Variants in UBR1 observed in about 807,000 individuals in gnomAD.
UBR1 encodes the protein E3 ubiquitin-protein ligase UBR1.
A neutral mutation model predicts 242.1 loss-of-function variants in UBR1; 102 were observed. The observed-to-expected ratio is 0.42, with a 90% CI of 0.36 to 0.50. UBR1 has a LOEUF of 0.50. UBR1 is among the 20% of genes least tolerant of loss of function. The probability of loss-of-function intolerance (pLI) is 0.01; values close to 1 mark genes in which losing one functional copy is unlikely to be tolerated. For synonymous variants in UBR1, 675 were observed against 684.8 expected (o/e 0.99, Z 0.22); for missense variants, 1,772 against 2,101.8 (o/e 0.84, Z 3.07).
Position 42,998,219 on chromosome 15 carries a change from TC to T in UBR1, c.3705del (p.Trp1235Ter). 6.2e-7 allele frequency: 1 copy of T among 1,614,036 alleles called. No homozygotes were observed. The highest frequency in any genetic ancestry group is 8.5e-7 in the Non-Finnish European group (1 of 1,179,996). ...ALAQLLTLAR[W>X]IQTVLARISG... ...GATATTCTGGCCAGAACAGTCTGTATCCACCGTGCCAGGGTCAAAAGTTGAG... is the reference window on the plus strand; with the variant it reads ...GATATTCTGGCCAGAACAGTCTGTATCACCGTGCCAGGGTCAAAAGTTGAG... On this transcript the variant is annotated frameshift_variant, in exon 33 of 47. Transcript: ENST00000290650. LOFTEE classifies it high-confidence loss of function.
In UBR1 at chr15:43,022,765, T is replaced by C. The variant is rs1414768981; in HGVS notation, c.2776A>G (p.Lys926Glu). Residue 926 changes from lysine to glutamate, a missense_variant, in exon 26 of 47, where the codon AAG (lysine) becomes GAG (glutamate). This residue lies in a region of UBR1 where 965 missense variants were observed against 1,079.7 expected (regional missense o/e 0.89). Transcript: ENST00000290650. ...TCAGGAGCTTTTTGAAGCTGTTGCTTCTCTTCTAGTAAACCCAATGCCAGA... is the reference window on the plus strand; with the variant it reads ...TCAGGAGCTTTTTGAAGCTGTTGCTCCTCTTCTAGTAAACCCAATGCCAGA... ...HILALGLLEEKQQLQKAPEEE... is the reference protein window; with the variant it reads ...HILALGLLEEEQQLQKAPEEE... The C allele has an allele frequency of 6.2e-7, 1 of 1,612,304 alleles. No homozygotes were observed. Among genetic ancestry groups the C allele is most frequent in the East Asian group, 2.2e-5 (1 of 44,680 alleles).
At chr15:42,981,313 A>G (rs1483319665) in intron 37 of UBR1, among the ~76,000 whole-genome samples, 2 of 152,256 alleles carry the variant, frequency 1.3e-5, no homozygotes, top group African/African-American at 4.8e-5. Context: ...ACTTGAACAC[A>G]TCACGCACTT....
chr15:43,104,829 G>A (rs972453739), intron 1 of UBR1, among the ~76,000 whole-genome samples: 4 of 151,794 alleles, frequency 2.6e-5, no homozygotes, highest in African/African-American at 9.7e-5. Flanking sequence ...GTGAAACCCC[G>A]TCTCTAATAA....
Position 43,105,968 on chromosome 15 carries a change from GTAAC to G in UBR1, c.51_54del (p.Glu17AspfsTer70). 1 of 1,614,068 alleles carries G rather than the reference GTAAC, an allele frequency of 6.2e-7. No individual in the cohort carries two copies. The highest frequency in any genetic ancestry group is 8.5e-7 in the Non-Finnish European group (1 of 1,180,008). Reference sequence around the variant, plus strand: ...GATGCCAGACGCTGAGGGGTCTGGGGTAACTCCGCGCTGATTTCCATCCTCTCAG... The same window carrying G: ...GATGCCAGACGCTGAGGGGTCTGGGGTCCGCGCTGATTTCCATCCTCTCAG... On this transcript the variant is annotated frameshift_variant, in exon 1 of 47. Transcript: ENST00000290650. LOFTEE classifies it high-confidence loss of function.
At chr15:42,987,120 G>C (rs1011453102) in intron 35 of UBR1, among the ~76,000 whole-genome samples, 1 of 152,232 alleles carries the variant, frequency 6.6e-6, no homozygotes, top group Non-Finnish European at 1.5e-5. Context: ...GCTCTGACAA[G>C]GATGGTCACG....
chr15:43,015,143 A>G (rs1463838888), intron 29 of UBR1, among the ~76,000 whole-genome samples: 5 of 152,348 alleles, frequency 3.3e-5, no homozygotes, highest in East Asian at 1.9e-4. Flanking sequence ...TGGGAGGTGT[A>G]CCCAACAGCT....
chr15:43,065,100 T>C (rs2033736192), intron 6 of UBR1, among the ~76,000 whole-genome samples: 1 of 152,232 alleles, frequency 6.6e-6, no homozygotes, highest in South Asian at 2.1e-4. Context: ...TTGAAAATCA[T>C]AAGCCTGATT....
chr15:43,065,225 A>G (rs1280600763), intron 6 of UBR1, among the ~76,000 whole-genome samples: 1 of 151,896 alleles, frequency 6.6e-6, no homozygotes, highest in African/African-American at 2.4e-5. Flanking sequence ...TTCGCTAAAT[A>G]CCCCATTTCA....
intron 46 of UBR1, among the ~76,000 whole-genome samples, chr15:42,949,998 C>G (rs1420713559): frequency 6.6e-6 from 1 of 151,186 alleles, no homozygotes; most frequent in Non-Finnish European, 1.5e-5. Flanking sequence ...ACCACCATGC[C>G]CAGCTAATTT....
chr15:43,092,289 CTAATACAG>C (rs1239527818), intron 1 of UBR1, among the ~76,000 whole-genome samples: 2 of 152,108 alleles, frequency 1.3e-5, no homozygotes, highest in African/African-American at 4.8e-5. Flanking sequence ...TCTGTTAATT[CTAATACAG>C]TATTTGAAGG....
At chr15:43,070,746 A>G (rs1308856780) in intron 5 of UBR1, 49 bp downstream of exon 5, 2 of 1,608,236 alleles carry the variant, frequency 1.2e-6, no homozygotes, top group African/African-American at 1.3e-5. Context: ...ACATTTTGCA[A>G]TACAAATAAC....
intron 4 of UBR1, 120 bp from the exon 5 acceptor site, chr15:43,071,045 G>A: frequency 7.3e-7 from 1 of 1,362,532 alleles, no homozygotes; most frequent in Non-Finnish European, 1.0e-6. Flanking sequence ...GTCCAGGAAT[G>A]AATTCAAGTT....
intron 46 of UBR1, among the ~76,000 whole-genome samples, chr15:42,949,676 G>A (rs2141248197): frequency 6.6e-6 from 1 of 151,212 alleles, no homozygotes; most frequent in East Asian, 2.0e-4. Context: ...GCACATGCCT[G>A]TAGTCCCAGC....
intron 34 of UBR1, among the ~76,000 whole-genome samples, 180 bp from the exon 35 acceptor site, chr15:42,989,147 G>A (rs572595971): frequency 9.2e-5 from 14 of 152,232 alleles, no homozygotes; most frequent in Non-Finnish European, 1.5e-4. Context: ...AATTGGAAGA[G>A]CAGAACTGTA....
chr15:42,970,705 T>G (rs2032190641), intron 39 of UBR1, 98 bp from the exon 40 acceptor site: 2 of 1,115,780 alleles, frequency 1.8e-6, no homozygotes, highest in Admixed American at 3.8e-5. Flanking sequence ...CAACGTAGAT[T>G]CATTCAACTG....
chr15:43,073,338 T>C (rs1299970669), intron 4 of UBR1, among the ~76,000 whole-genome samples: 1 of 152,180 alleles, frequency 6.6e-6, no homozygotes, highest in African/African-American at 2.4e-5. Flanking sequence ...TAAATGTAAA[T>C]ACTGTTCCTC....
rs765437647 is a variant in UBR1 at position 42,958,088 on chromosome 15, T to A, written c.4760A>T (p.Tyr1587Phe). ...TATCAAACTATTTCTTTTTCTAGGG[T>A]ACCTACAATGTAATTTAAAAGGCAA... ...CLKQKNTVVR[Y>F]PRKRNSLIEL... The change falls in exon 44 of 47, where the codon TAC becomes TTC. Residue 1587 changes from tyrosine (Y) to phenylalanine (F), a missense_variant and splice_region_variant. By Grantham distance (22) the Tyr-to-Phe change is conservative. This residue lies in a region of UBR1 where 965 missense variants were observed against 1,079.7 expected (regional missense o/e 0.89). Transcript: ENST00000290650. 5 of 1,612,178 alleles carry A rather than the reference T, an allele frequency of 3.1e-6. No individual in the cohort carries two copies. The highest frequency in any genetic ancestry group is 4.2e-6 in the Non-Finnish European group (5 of 1,178,784).
At chr15:43,037,283 G>A (rs2033349337) in intron 17 of UBR1, among the ~76,000 whole-genome samples, 1 of 151,442 alleles carries the variant, frequency 6.6e-6, no homozygotes, top group African/African-American at 2.4e-5. Flanking sequence ...CACAGGCAGA[G>A]GTTGCAGTGA....
chr15:43,050,576 T>C (rs1373623506), intron 12 of UBR1, among the ~76,000 whole-genome samples: 1 of 151,740 alleles, frequency 6.6e-6, no homozygotes, highest in Admixed American at 6.6e-5. Flanking sequence ...TACAATAAAT[T>C]AGCCAGGCAT....
Sources: allele counts gnomAD v4.1 joint callset (sites outside exome capture counted in the v4.1 genomes callset), GRCh38; gene constraint gnomAD v4.1.1; regional missense constraint gnomAD v4.1.1; transcripts MANE v1.5; gene names NCBI Gene and HGNC (gene_info 2026-07-23, HGNC 2026-07-21).